SCML2: variants seen among roughly 807,000 people sequenced by gnomAD.
The protein encoded by SCML2 is sex comb on midleg-like protein 2.
In SCML2, 6 loss-of-function variants were observed where a neutral mutation model predicts 48.4. That is an observed-to-expected ratio of 0.12 (90% CI 0.07 to 0.24). SCML2 has a LOEUF of 0.24. Among genes scored for constraint, SCML2 ranks in the 10% least tolerant of loss-of-function variants. The pLI is 1.00. For synonymous variants in SCML2, 181 were observed against 189.5 expected, an observed-to-expected ratio of 0.95 and a Z score of 0.37; for missense variants, 377 against 528.2, an observed-to-expected ratio of 0.71 and a Z score of 2.81.
chrX:18,306,104 T>C (rs1232774207), intron 6 of SCML2, among the ~76,000 whole-genome samples: 1 of 111,601 alleles, frequency 9.0e-6, no homozygotes, highest in Non-Finnish European at 1.9e-5. Flanking sequence ...AGTCCTGGAC[T>C]GGTGATTTTC....
intron 7 of SCML2, among the ~76,000 whole-genome samples, chrX:18,276,970 G>A (rs62590950): frequency 9.1e-6 from 1 of 110,144 alleles, no homozygotes; most frequent in East Asian, 2.8e-4. Flanking sequence ...TTTTAAAATG[G>A]CTAATTTTAT....
intron 3 of SCML2, among the ~76,000 whole-genome samples, chrX:18,326,947 C>T (rs1822868377): frequency 8.9e-6 from 1 of 111,785 alleles, no homozygotes; most frequent in Non-Finnish European, 1.9e-5. Flanking sequence ...TACAGAATAG[C>T]TTTGTCAAAA....
At chrX:18,308,658 T>C (rs1889540598) in intron 6 of SCML2, among the ~76,000 whole-genome samples, 1 of 110,092 alleles carries the variant, frequency 9.1e-6, no homozygotes, top group African/African-American at 3.3e-5. Flanking sequence ...TGAGAAAGCA[T>C]AGAGAAAAAA....
chrX:18,321,222 C>T (rs192792858), intron 5 of SCML2, among the ~76,000 whole-genome samples: 92 of 111,463 alleles, frequency 8.3e-4, no homozygotes, highest in African/African-American at 2.9e-3. Flanking sequence ...AAATGATCTT[C>T]TTTTAGAATT....
intron 7 of SCML2, among the ~76,000 whole-genome samples, chrX:18,280,324 A>G (rs1340230602): frequency 1.8e-5 from 2 of 112,014 alleles, no homozygotes; most frequent in Non-Finnish European, 3.8e-5. Context: ...GAGAGAATGC[A>G]TTTCAACTAG....
At chrX:18,286,510 C>G (rs1928058733) in intron 7 of SCML2, among the ~76,000 whole-genome samples, 1 of 111,519 alleles carries the variant, frequency 9.0e-6, no homozygotes, top group Non-Finnish European at 1.9e-5. Flanking sequence ...AGGCAGTAAT[C>G]ATTCAAAGAA....
chrX:18,274,406 C>T (rs1012184731), intron 7 of SCML2, among the ~76,000 whole-genome samples: 4 of 112,368 alleles, frequency 3.6e-5, no homozygotes, highest in African/African-American at 1.3e-4. Context: ...ATGAAGGGGT[C>T]AGGGAAATAT....
intron 1 of SCML2, among the ~76,000 whole-genome samples, chrX:18,339,903 C>T (rs1929958198): frequency 9.0e-6 from 1 of 111,334 alleles, no homozygotes; most frequent in Non-Finnish European, 1.9e-5. Flanking sequence ...ACTCCACCAC[C>T]AAACAATACC....
rs138296964 is a variant in SCML2 at position 18,280,865 on chromosome X, C to T, written c.731-15063G>A. ...ACCCAGATTCATAAAACAAGTTCTTCCTGGCCTAAGAAAAGACTCAGACAA... is the reference window on the plus strand; with the variant it reads ...ACCCAGATTCATAAAACAAGTTCTTTCTGGCCTAAGAAAAGACTCAGACAA... On this transcript the variant is annotated intron_variant, in intron 7 of 14. Transcript: ENST00000251900. Among the ~76,000 whole-genome samples the T allele has an allele frequency of 8.2e-3, 916 of 111,284 alleles. 7 individuals are homozygous for T. Among genetic ancestry groups the T allele is most frequent in the Non-Finnish European group, 9.5e-3 (501 of 52,947 alleles).
At chrX:18,349,796 C>CAA (rs780216078) in intron 1 of SCML2, among the ~76,000 whole-genome samples, 6 of 102,606 alleles carry the variant, frequency 5.8e-5, no homozygotes, top group Non-Finnish European at 1.2e-4. Context: ...GACTCCGTCT[C>CAA]AAAAAAAAAC....
intron 7 of SCML2, among the ~76,000 whole-genome samples, chrX:18,282,736 T>C (rs1017392021): frequency 9.0e-6 from 1 of 111,164 alleles, no homozygotes; most frequent in African/African-American, 3.3e-5. Context: ...TCTCCCAAGA[T>C]TGAATAAGAA....
chrX:18,265,196 C>T (rs761399089), intron 8 of SCML2, among the ~76,000 whole-genome samples: 77 of 111,990 alleles, frequency 6.9e-4, no homozygotes, highest in Non-Finnish European at 8.3e-4. Flanking sequence ...TTAGAGTTGA[C>T]TCCAGCATTA....
Position 18,240,555 on chromosome X carries a change from G to A in SCML2, c.*696C>T, listed in dbSNP as rs1351036380. 1.8e-5 allele frequency: 2 copies of A among 112,051 alleles called. No individual in the cohort carries two copies. The highest frequency in any genetic ancestry group is 1.9e-4 in the Admixed American group (2 of 10,519). The allele number at this position is 112,051 out of a possible 1,213,427, so 9.2% of individuals were successfully genotyped here. A position where few individuals can be genotyped will look rare whatever the true frequency, so the allele number is the denominator to read the frequency against. ...AGTATAAATATCTCCTGCATAAAAT[G>A]ACAATTCTATCCTATAATTTAAAAA... On this transcript the variant is annotated 3_prime_UTR_variant, in exon 15 of 15. Coordinates refer to ENST00000251900, the MANE Select transcript of SCML2 (RefSeq NM_006089.3).
At chrX:18,314,192 C>T (rs181534687) in intron 6 of SCML2, among the ~76,000 whole-genome samples, 1 of 111,774 alleles carries the variant, frequency 8.9e-6, no homozygotes, top group Non-Finnish European at 1.9e-5. Context: ...ATGGGCCAGG[C>T]ACTGTGTAAT....
At chrX:18,321,697 G>A (rs1342290673) in intron 5 of SCML2, among the ~76,000 whole-genome samples, 1 of 107,411 alleles carries the variant, frequency 9.3e-6, no homozygotes, top group Non-Finnish European at 1.9e-5. Flanking sequence ...GGAGAGTATT[G>A]CATAAGAATC....
intron 7 of SCML2, among the ~76,000 whole-genome samples, chrX:18,288,393 G>A (rs770617341): frequency 6.7e-4 from 74 of 110,837 alleles, no homozygotes; most frequent in African/African-American, 2.4e-3. Context: ...ATTACAAACT[G>A]GTGATTTAAA....
rs1429659497 is a variant in SCML2 at position 18,258,153 on chromosome X, C to T, written c.1164G>A (p.Val388=). The T allele has an allele frequency of 8.3e-7, 1 of 1,211,757 alleles. No homozygotes were observed. The highest frequency in any genetic ancestry group is 1.8e-5 in the South Asian group (1 of 56,979). Residue 388 remains valine (V), a synonymous_variant, in exon 10 of 15, where the codon GTG becomes GTA. Transcript: ENST00000251900. ...GCACAATCCGGCGAAGCACCACATT[C>T]ACCGGGCCCGGGCCGAAGTGGTCAG... is the stretch of plus-strand genomic sequence containing the variant. The part of the protein sequence containing the change: ...QLPDHFGPGP[V]NVVLRRIVQA...
At chrX:18,319,324 G>A (rs1208455909) in intron 6 of SCML2, among the ~76,000 whole-genome samples, 1 of 110,036 alleles carries the variant, frequency 9.1e-6, no homozygotes, top group African/African-American at 3.3e-5. Context: ...CCGGGAAGCC[G>A]AGATCACACC....
At chrX:18,296,412 C>CA (rs200145597) in intron 7 of SCML2, among the ~76,000 whole-genome samples, 55 of 96,677 alleles carry the variant, frequency 5.7e-4, no homozygotes, top group South Asian at 1.4e-3. Context: ...CCCCATCAGA[C>CA]AAAAAAAAAA....
Sources: gnomAD v4.1 joint callset for allele counts (sites outside exome capture counted in the v4.1 genomes callset) on GRCh38, gnomAD v4.1.1 for gene constraint, MANE v1.5 for transcripts, NCBI Gene and HGNC (gene_info 2026-07-23, HGNC 2026-07-21) for gene names.